Variants in SRGAP1 observed in about 807,000 individuals in gnomAD.
The protein encoded by SRGAP1 is SLIT-ROBO Rho GTPase-activating protein 1.
Under a neutral mutation model 121.9 loss-of-function variants are expected in SRGAP1, and 43 were observed. That is an observed-to-expected ratio of 0.35 (90% CI 0.28 to 0.46). The LOEUF (loss-of-function observed/expected upper bound fraction) is 0.46, where lower values mean the gene tolerates loss of function less well. Ranked by LOEUF, SRGAP1 falls within the 20% of genes least tolerant of loss-of-function variation. The pLI, the probability that SRGAP1 is intolerant of heterozygous loss-of-function variation, is 1.00. For missense variants in SRGAP1, 1,102 were observed against 1,350.9 expected (o/e 0.82, Z 2.89); for synonymous variants, 447 against 485.4 (o/e 0.92, Z 1.04).
At position 63,894,158 on chromosome 12, in the gene SRGAP1, G is replaced by C. The variant is rs145279232; in HGVS notation, c.67+49275G>C. On this transcript the variant is annotated intron_variant, in intron 1 of 21. Coordinates refer to ENST00000355086, the MANE Select transcript of SRGAP1 (RefSeq NM_020762.4). Reference sequence around the variant, plus strand: ...CCGGTGCCTTCATTTGTTTACTGAAGTAAACATTTGTTGAACATTTGCTGT... The same window carrying C: ...CCGGTGCCTTCATTTGTTTACTGAACTAAACATTTGTTGAACATTTGCTGT... Among the ~76,000 whole-genome samples, 4 of 152,290 alleles carry C rather than the reference G, an allele frequency of 2.6e-5. No homozygotes were observed. The East Asian group carries it at 7.7e-4, about 29-fold the overall frequency.
At chr12:63,954,505 C>T (rs565390545) in intron 1 of SRGAP1, among the ~76,000 whole-genome samples, 1,680 of 151,872 alleles carry the variant, frequency 0.011, 7 homozygotes, top group Non-Finnish European at 0.016. Flanking sequence ...GGTGAAACCC[C>T]GTCTCTACTA....
intron 1 of SRGAP1, among the ~76,000 whole-genome samples, chr12:63,885,750 C>G (rs938582602): frequency 1.3e-5 from 2 of 152,184 alleles, no homozygotes; most frequent in African/African-American, 4.8e-5. Context: ...TTTCTAGGGT[C>G]TGCTCCTGAT....
chr12:63,880,847 C>G (rs1900171582), intron 1 of SRGAP1, among the ~76,000 whole-genome samples: 1 of 152,084 alleles, frequency 6.6e-6, no homozygotes, highest in African/African-American at 2.4e-5. Context: ...CCTGGCAGAC[C>G]CTAGATGTAC....
chr12:63,964,430 T>TA (rs1209538878), intron 1 of SRGAP1, among the ~76,000 whole-genome samples: 6 of 152,198 alleles, frequency 3.9e-5, no homozygotes, highest in Non-Finnish European at 7.3e-5. Flanking sequence ...GAGTATTTAT[T>TA]ATACCTGTTT....
rs1259947880 is a variant in SRGAP1, at chr12:64,160,145, T to G, written c.*17473T>G. 2 of 152,230 alleles carry G rather than the reference T, an allele frequency of 1.3e-5. No individual in the cohort carries two copies. The highest frequency in any genetic ancestry group is 2.4e-5 in the African/African-American group (1 of 41,454). 9.4% of individuals were successfully genotyped at this position (152,230 alleles called of 1,614,324 possible). A position where few individuals can be genotyped will look rare whatever the true frequency, so the allele number is the denominator to read the frequency against. On this transcript the variant is annotated 3_prime_UTR_variant, in exon 22 of 22. Coordinates refer to ENST00000355086, the MANE Select transcript of SRGAP1 (RefSeq NM_020762.4). ...CTGTTTCAGTATGGATAAGTTGTTC[T>G]CTAAGTCTACTGCATAGCTGAGAGC...
At position 64,080,278 on chromosome 12, in the gene SRGAP1, T is replaced by C. The variant is rs773574588; in HGVS notation, c.1324-8T>C. The C allele has an allele frequency of 6.9e-6, 11 of 1,598,080 alleles. 1 individual carries two copies. The South Asian group carries it at 1.3e-4, about 18-fold the overall frequency. On this transcript the variant is annotated splice_polypyrimidine_tract_variant and splice_region_variant and intron_variant, in intron 9 of 21. Transcript: ENST00000355086. ...AAAAGATTTAAAAATTATTCTTGCC[T>C]TTTGCAGAAACTCAGAGAATATTTG...
chr12:63,851,575 T>TTTTC (rs200974709), intron 1 of SRGAP1, among the ~76,000 whole-genome samples: 3,613 of 151,464 alleles, frequency 0.024, 233 homozygotes, highest in East Asian at 0.23. Context: ...TGTTGTCTTC[T>TTTTC]TTTCTTTCTT....
chr12:64,006,362 G>C (rs1235591017), intron 3 of SRGAP1, among the ~76,000 whole-genome samples: 1 of 152,128 alleles, frequency 6.6e-6, no homozygotes, highest in Non-Finnish European at 1.5e-5. Context: ...TCTGTGCCTA[G>C]AGCAAATGCT....
rs559576584 is a variant in SRGAP1, at chr12:64,134,309, T to C, written c.2880+6109T>C. ...GGTGGTGGGTGCCTGTAGTCCCAGC[T>C]ACTTGGGAGGCTGAGGCAGGAGAAT... On this transcript the variant is annotated intron_variant, in intron 21 of 21. Coordinates refer to ENST00000355086, the MANE Select transcript of SRGAP1 (RefSeq NM_020762.4). Among the ~76,000 whole-genome samples, 4 of 151,720 alleles carry C rather than the reference T, an allele frequency of 2.6e-5. No individual in the cohort carries two copies. In the East Asian group the frequency reaches 7.8e-4, roughly 30 times the overall value.
At chr12:63,969,859 C>T (rs759974146) in intron 1 of SRGAP1, among the ~76,000 whole-genome samples, 10 of 151,656 alleles carry the variant, frequency 6.6e-5, no homozygotes, top group Admixed American at 1.3e-4. Flanking sequence ...GACCAAAACT[C>T]TCTTGAAATC....
chr12:63,999,133 C>T (rs528806773), intron 3 of SRGAP1, among the ~76,000 whole-genome samples: 3 of 152,164 alleles, frequency 2.0e-5, no homozygotes, highest in South Asian at 2.1e-4. Flanking sequence ...GAAAACTCTT[C>T]CAGGAAGAAA....
In SRGAP1 at chr12:64,127,844, T is replaced by C. The variant is rs750547174; in HGVS notation, c.2541-17T>C. 3.1e-6 allele frequency: 5 copies of C among 1,603,212 alleles called. No individual in the cohort carries two copies. The East Asian group carries it at 8.9e-5, about 29-fold the overall frequency. On this transcript the variant is annotated splice_polypyrimidine_tract_variant and intron_variant, in intron 20 of 21. Coordinates refer to ENST00000355086, the MANE Select transcript of SRGAP1 (RefSeq NM_020762.4). Reference sequence around the variant, plus strand: ...GATAAGCTCTTCTGTTTTCTCCCTGTTTCTGTGAATGTCTAGGCAACGAAA... The same window carrying C: ...GATAAGCTCTTCTGTTTTCTCCCTGCTTCTGTGAATGTCTAGGCAACGAAA...
chr12:64,063,681 T>G (rs980454719), intron 7 of SRGAP1, among the ~76,000 whole-genome samples: 2 of 152,094 alleles, frequency 1.3e-5, no homozygotes, highest in Admixed American at 6.5e-5. Flanking sequence ...TTAAACTGAT[T>G]ATGAGTTACA....
chr12:63,989,806 C>A, intron 2 of SRGAP1, 104 bp from the exon 3 acceptor site: 1 of 804,798 alleles, frequency 1.2e-6, no homozygotes, highest in Non-Finnish European at 2.0e-6. Flanking sequence ...ATGCACAGCA[C>A]AGTATCCATC....
chr12:63,868,064 T>A (rs1440590275), intron 1 of SRGAP1, among the ~76,000 whole-genome samples: 1,263 of 94,036 alleles, frequency 0.013, 23 homozygotes, highest in African/African-American at 0.052. Flanking sequence ...ATATTTTTTT[T>A]TTTTTTTTTT....
At chr12:64,046,365 T>A (rs2035130151) in intron 6 of SRGAP1, among the ~76,000 whole-genome samples, 1 of 152,174 alleles carries the variant, frequency 6.6e-6, no homozygotes, top group South Asian at 2.1e-4. Context: ...AGATTCACTC[T>A]GGCAGCAGAG....
intron 3 of SRGAP1, among the ~76,000 whole-genome samples, chr12:64,014,453 G>A (rs1351674139): frequency 1.3e-5 from 2 of 152,090 alleles, no homozygotes; most frequent in East Asian, 3.9e-4. Flanking sequence ...ACACACACTG[G>A]GGCCTACTGG....
intron 1 of SRGAP1, among the ~76,000 whole-genome samples, chr12:63,850,205 G>A (rs1218063904): frequency 6.6e-6 from 1 of 152,068 alleles, no homozygotes; most frequent in Admixed American, 6.6e-5. Flanking sequence ...CTGAAAACCC[G>A]GTTAGTTTCA....
At chr12:64,127,547 G>A in intron 19 of SRGAP1, 43 bp from the exon 20 acceptor site, 1 of 1,553,078 alleles carries the variant, frequency 6.4e-7, no homozygotes, top group Non-Finnish European at 8.7e-7. Context: ...TGTAAAATTT[G>A]TAAATCTAGT....
Sources: allele counts gnomAD v4.1 joint callset (sites outside exome capture counted in the v4.1 genomes callset), GRCh38; gene constraint gnomAD v4.1.1; transcripts MANE v1.5; gene names NCBI Gene and HGNC (gene_info 2026-07-23, HGNC 2026-07-21).